The following TBXA2R variants were observed in gnomAD, a reference collection of about 807,000 sequenced individuals.
The protein encoded by TBXA2R is thromboxane A2 receptor.
In TBXA2R, 15 loss-of-function variants were observed where a neutral mutation model predicts 15.6. The ratio of observed to expected loss-of-function variants is 0.96; its 90% CI spans 0.64 to 1.48. TBXA2R has a LOEUF of 1.48. TBXA2R is among the 40% of genes most tolerant of loss of function. The pLI is 0.00. For synonymous variants in TBXA2R, 280 were observed against 241.2 expected (o/e 1.16, Z -1.49); for missense variants, 506 against 491.4 (o/e 1.03, Z -0.28).
intron 1 of TBXA2R, among the ~76,000 whole-genome samples, chr19:3,604,574 C>T (rs1311418585): frequency 6.6e-6 from 1 of 152,184 alleles, no homozygotes; most frequent in Non-Finnish European, 1.5e-5. Context: ...CCCCGCCTGC[C>T]TGTCACGGCC....
At chr19:3,606,297 C>A (rs890752406) in intron 1 of TBXA2R, among the ~76,000 whole-genome samples, 3 of 152,204 alleles carry the variant, frequency 2.0e-5, no homozygotes, top group African/African-American at 7.2e-5. Context: ...GAGAGCCCCC[C>A]GGACAGAATC....
Position 3,600,545 on chromosome 19 carries a change from G to A in TBXA2R, c.90C>T (p.Phe30=). The change falls in exon 2 of 3, where the codon TTC becomes TTT. Residue 30 remains phenylalanine (F), a synonymous_variant. Coordinates refer to ENST00000375190, the MANE Select transcript of TBXA2R (RefSeq NM_001060.6). ...GGCCCACCACGCAGAAGGAGGCGGC[G>A]AACCAGGGCGAGGCGATCAGCCGTC... ...EERRLIASPW[F]AASFCVVGLA... The A allele has an allele frequency of 1.2e-6, 2 of 1,611,894 alleles. No individual in the cohort carries two copies. The highest frequency in any genetic ancestry group is 1.7e-6 in the Non-Finnish European group (2 of 1,178,978).
intron 1 of TBXA2R, among the ~76,000 whole-genome samples, chr19:3,601,030 A>C (rs1043946076): frequency 1.3e-5 from 2 of 151,390 alleles, no homozygotes; most frequent in African/African-American, 4.9e-5. Flanking sequence ...CTGGGATTAC[A>C]GGCGTGAGCC....
chr19:3,603,022 C>CA (rs2032767976), intron 1 of TBXA2R, among the ~76,000 whole-genome samples: 7 of 145,322 alleles, frequency 4.8e-5, no homozygotes, highest in Non-Finnish European at 9.1e-5. Flanking sequence ...GGCGACAGAG[C>CA]GAGACTCCAT....
chr19:3,595,293 C>A lies in TBXA2R; in HGVS notation c.*395G>T. On this transcript the variant is annotated 3_prime_UTR_variant, in exon 3 of 3. Coordinates refer to ENST00000375190, the MANE Select transcript of TBXA2R (RefSeq NM_001060.6). ...ACTCAGGAGGCTGAGGCAGGAGAAT[C>A]GCTTGAACCCGGGAGGTGGAGGTTG... The A allele has an allele frequency of 8.6e-7, 1 of 1,166,152 alleles. No homozygotes were observed. Among genetic ancestry groups the A allele is most frequent in the Non-Finnish European group, 1.1e-6 (1 of 896,956 alleles). 72.2% of individuals were successfully genotyped at this position (1,166,152 alleles called of 1,614,324 possible). A position where few individuals can be genotyped will look rare whatever the true frequency, so the allele number is the denominator to read the frequency against.
chr19:3,599,857 G>T lies in TBXA2R; in HGVS notation c.778C>A (p.Pro260Thr). ...IMVVASVCWLPLLVFIAQTVL... is the reference protein window; with the variant it reads ...IMVVASVCWLTLLVFIAQTVL... Reference sequence around the variant, plus strand: ...GCAGAGCCCCTACTCACCAGAAGGGGCAGCCAACACACGCTGGCCACCACC... The same window carrying T: ...GCAGAGCCCCTACTCACCAGAAGGGTCAGCCAACACACGCTGGCCACCACC... Residue 260 changes from proline (P) to threonine (T), a missense_variant, in exon 2 of 3, where the codon CCC becomes ACC. By Grantham distance (38) the Pro-to-Thr change is conservative. Transcript: ENST00000375190. 6.5e-7 allele frequency: 1 copy of T among 1,549,044 alleles called. No homozygotes were observed. The highest frequency in any genetic ancestry group is 1.4e-5 in the African/African-American group (1 of 73,106).
intron 1 of TBXA2R, among the ~76,000 whole-genome samples, chr19:3,605,206 A>T (rs531224534): frequency 6.6e-6 from 1 of 152,118 alleles, no homozygotes; most frequent in African/African-American, 2.4e-5. Context: ...GCATGTACGG[A>T]GCTCCGTCAC....
Position 3,600,535 on chromosome 19 carries a change from A to G in TBXA2R, c.100T>C (p.Phe34Leu), listed in dbSNP as rs201896336. 102 of 1,612,026 alleles carry G rather than the reference A, an allele frequency of 6.3e-5. No homozygotes were observed. In the Admixed American group the frequency reaches 1.3e-3, roughly 20 times the overall value. Residue 34 changes from phenylalanine (F) to leucine (L), a missense_variant, in exon 2 of 3, where the codon TTC (phenylalanine) becomes CTC (leucine). Physicochemically the swap from Phe to Leu is conservative, Grantham distance 22 (BLOSUM62 0). Coordinates refer to ENST00000375190, the MANE Select transcript of TBXA2R (RefSeq NM_001060.6). ...LIASPWFAASFCVVGLASNLL... is the reference protein window; with the variant it reads ...LIASPWFAASLCVVGLASNLL... ...TTGGAGGCCAGGCCCACCACGCAGA[A>G]GGAGGCGGCGAACCAGGGCGAGGCG...
chr19:3,604,474 G>A (rs1247239025), intron 1 of TBXA2R, among the ~76,000 whole-genome samples: 3 of 151,896 alleles, frequency 2.0e-5, no homozygotes, highest in Non-Finnish European at 2.9e-5. Context: ...TTCCATCCTC[G>A]TGCCCCCTCC....
At position 3,594,768 on chromosome 19, in the gene TBXA2R, C is replaced by T; in HGVS notation, c.*920G>A. 2 of 1,407,100 alleles carry T rather than the reference C, an allele frequency of 1.4e-6. No homozygotes were observed. The highest frequency in any genetic ancestry group is 1.9e-6 in the Non-Finnish European group (2 of 1,042,988). The allele number at this position is 1,407,100 out of a possible 1,614,324, so 87.2% of individuals were successfully genotyped here. ...ACTCCAGAGATTGAAAACTTCTGGACCCAAAGGAAAATAAAACCAAAGGCA... is the reference window on the plus strand; with the variant it reads ...ACTCCAGAGATTGAAAACTTCTGGATCCAAAGGAAAATAAAACCAAAGGCA... On this transcript the variant is annotated 3_prime_UTR_variant, in exon 3 of 3. Transcript: ENST00000375190.
chr19:3,601,191 C>A (rs895063493), intron 1 of TBXA2R, among the ~76,000 whole-genome samples: 4 of 152,076 alleles, frequency 2.6e-5, no homozygotes, highest in African/African-American at 9.7e-5. Flanking sequence ...AGGCGGGGAC[C>A]TGTTACTCTG....
intron 1 of TBXA2R, among the ~76,000 whole-genome samples, chr19:3,605,587 C>G (rs987387508): frequency 6.6e-6 from 1 of 150,546 alleles, no homozygotes; most frequent in Admixed American, 6.6e-5. Flanking sequence ...GGCAGATACA[C>G]AGACACACAC....
intron 2 of TBXA2R, among the ~76,000 whole-genome samples, chr19:3,599,609 C>T (rs900938208): frequency 2.6e-5 from 4 of 152,038 alleles, no homozygotes; most frequent in Admixed American, 2.6e-4. Context: ...GGATTACAGG[C>T]GTGAGCCACC....
chr19:3,601,535 A>G (rs1044057294), intron 1 of TBXA2R, among the ~76,000 whole-genome samples: 1 of 151,444 alleles, frequency 6.6e-6, no homozygotes, highest in East Asian at 1.9e-4. Context: ...AAAAAAAAAA[A>G]CCAACCAACC....
intron 1 of TBXA2R, among the ~76,000 whole-genome samples, chr19:3,601,219 G>A (rs1346016531): frequency 6.6e-6 from 1 of 151,946 alleles, no homozygotes; most frequent in Non-Finnish European, 1.5e-5. Context: ...CTAACGCTCA[G>A]CCACAATGCA....
At chr19:3,603,511 T>G (rs2032776540) in intron 1 of TBXA2R, among the ~76,000 whole-genome samples, 1 of 152,178 alleles carries the variant, frequency 6.6e-6, no homozygotes, top group South Asian at 2.1e-4. Flanking sequence ...CGTTCCTCCC[T>G]CGAGAGCTGG....
chr19:3,599,581 C>T (rs1304667376), intron 2 of TBXA2R, among the ~76,000 whole-genome samples: 5 of 151,982 alleles, frequency 3.3e-5, no homozygotes, highest in East Asian at 1.9e-4. Context: ...CCGCCCGCCT[C>T]GGCCTCCCAA....
intron 2 of TBXA2R, among the ~76,000 whole-genome samples, chr19:3,598,345 CTTTTCTTT>C (rs1372822963): frequency 7.8e-5 from 9 of 115,394 alleles, no homozygotes; most frequent in African/African-American, 1.1e-4. Context: ...TCTTTCTTTT[CTTTTCTTT>C]TTTTTTTTTT....
rs1228424988 is a variant in TBXA2R at position 3,595,616 on chromosome 19, A to G, written c.*72T>C. On this transcript the variant is annotated 3_prime_UTR_variant, in exon 3 of 3. Transcript: ENST00000375190. The stretch of plus-strand genomic sequence containing the variant: ...GCACCCCCAGCCCCTGAATCCTCAG[A>G]ACAGGCAGATGGGCTGTCCGAGGGG... 6.0e-6 allele frequency: 9 copies of G among 1,493,990 alleles called. 1 individual carries two copies. In the Middle Eastern group the frequency reaches 1.4e-3, roughly 232 times the overall value. The allele number at this position is 1,493,990 out of a possible 1,614,324, so 92.5% of individuals were successfully genotyped here.
Sources: allele counts gnomAD v4.1 joint callset (sites outside exome capture counted in the v4.1 genomes callset), GRCh38; gene constraint gnomAD v4.1.1; transcripts MANE v1.5; gene names NCBI Gene and HGNC (gene_info 2026-07-23, HGNC 2026-07-21).